The following PROS1 variants were observed in gnomAD, a reference collection of about 807,000 sequenced individuals.
PROS1 encodes the protein protein S.
In PROS1, 29 loss-of-function variants were observed where a neutral mutation model predicts 75.9. That is an observed-to-expected ratio of 0.38 (90% CI 0.28 to 0.52). The LOEUF (loss-of-function observed/expected upper bound fraction) is 0.52. Among genes scored for constraint, PROS1 ranks in the 20% least tolerant of loss-of-function variants. The pLI is 0.83. For synonymous variants in PROS1, 245 were observed against 280.6 expected (o/e 0.87, Z 1.27); for missense variants, 680 against 810.3 (o/e 0.84, Z 1.95).
chr3:93,958,011 C>G (rs959100786), intron 1 of PROS1, among the ~76,000 whole-genome samples: 2 of 151,954 alleles, frequency 1.3e-5, no homozygotes, highest in Admixed American at 1.3e-4. Context: ...TCACTTGAAC[C>G]CAGGAAGCGG....
chr3:93,889,620 G>A (rs1001585762), intron 10 of PROS1, among the ~76,000 whole-genome samples: 92 of 152,298 alleles, frequency 6.0e-4, no homozygotes, highest in Admixed American at 3.5e-3. Context: ...ATTGTTGCGG[G>A]AAGTCAGGGA....
chr3:93,934,706 C>T (rs1036802821), intron 1 of PROS1, among the ~76,000 whole-genome samples: 7 of 151,828 alleles, frequency 4.6e-5, no homozygotes, highest in East Asian at 1.9e-4. Flanking sequence ...CATATAAAGG[C>T]GAGTTCTAAA....
At chr3:93,955,121 G>T (rs184217130) in intron 1 of PROS1, among the ~76,000 whole-genome samples, 11 of 152,340 alleles carry the variant, frequency 7.2e-5, no homozygotes, top group African/African-American at 2.6e-4. Context: ...CTTTTACACC[G>T]TTGGTGGGAC....
intron 1 of PROS1, among the ~76,000 whole-genome samples, chr3:93,965,296 T>A (rs757707529): frequency 6.6e-6 from 1 of 152,328 alleles, no homozygotes; most frequent in East Asian, 1.9e-4. Context: ...TTTGCCGCCG[T>A]CGCAGACCCG....
At chr3:93,895,385 C>A (rs1708489240) in intron 9 of PROS1, among the ~76,000 whole-genome samples, 1 of 152,008 alleles carries the variant, frequency 6.6e-6, no homozygotes, top group Admixed American at 6.6e-5. Flanking sequence ...ATTAGTTGCT[C>A]TGTGATGTTA....
chr3:93,912,003 G>T (rs1474528133), intron 3 of PROS1, among the ~76,000 whole-genome samples: 1 of 152,190 alleles, frequency 6.6e-6, no homozygotes, highest in Non-Finnish European at 1.5e-5. Context: ...TTCATTTGAA[G>T]TCAGTATGTG....
rs187719959 is a variant in PROS1, at chr3:93,890,001, G to A, written c.1155+2932C>T. Among the ~76,000 whole-genome samples, 283 of 152,190 alleles carry A rather than the reference G, an allele frequency of 1.9e-3. 1 individual carries two copies. The highest frequency in any genetic ancestry group is 6.4e-3 in the African/African-American group (265 of 41,508). On this transcript the variant is annotated intron_variant, in intron 10 of 14. Transcript: ENST00000394236. Reference sequence around the variant, plus strand: ...GAGCCTACAAACGGACCTGCAAGTAGGGAAGATATTGCTAAATTCTTTTCC... The same window carrying A: ...GAGCCTACAAACGGACCTGCAAGTAAGGAAGATATTGCTAAATTCTTTTCC...
intron 6 of PROS1, among the ~76,000 whole-genome samples, chr3:93,903,515 C>T (rs1708628881): frequency 6.6e-6 from 1 of 151,962 alleles, no homozygotes; most frequent in African/African-American, 2.4e-5. Flanking sequence ...ACAAAAGCTA[C>T]AAACATTAGC....
intron 1 of PROS1, among the ~76,000 whole-genome samples, chr3:93,937,894 A>T (rs1709211755): frequency 6.6e-6 from 1 of 152,214 alleles, no homozygotes; most frequent in Non-Finnish European, 1.5e-5. Context: ...AAAGACGCCT[A>T]CAATGAAAGG....
chr3:93,965,368 C>T (rs979660805), intron 1 of PROS1, among the ~76,000 whole-genome samples: 3 of 152,180 alleles, frequency 2.0e-5, no homozygotes, highest in East Asian at 1.9e-4. Flanking sequence ...TCCAGCGAGG[C>T]GCCCATTGCC....
At chr3:93,964,445 A>C (rs1709756912) in intron 1 of PROS1, among the ~76,000 whole-genome samples, 1 of 152,186 alleles carries the variant, frequency 6.6e-6, no homozygotes, top group Admixed American at 6.5e-5. Context: ...GGTTGAGATA[A>C]GGACTGAGAT....
intron 8 of PROS1, among the ~76,000 whole-genome samples, chr3:93,897,686 T>C (rs1708524732): frequency 6.6e-6 from 1 of 152,072 alleles, no homozygotes. Flanking sequence ...TATGTATGTA[T>C]ACTTAGTTAA....
intron 13 of PROS1, among the ~76,000 whole-genome samples, chr3:93,878,832 A>C (rs1236020340): frequency 6.6e-6 from 1 of 152,196 alleles, no homozygotes; most frequent in African/African-American, 2.4e-5. Context: ...CAACACATAA[A>C]GTATTCTTAA....
At chr3:93,970,748 C>A (rs1345641947) in intron 1 of PROS1, among the ~76,000 whole-genome samples, 4 of 152,008 alleles carry the variant, frequency 2.6e-5, no homozygotes, top group Non-Finnish European at 5.9e-5. Context: ...TGAACAATTT[C>A]TTTTTTTATT....
chr3:93,891,750 A>G (rs1430900006), intron 10 of PROS1, among the ~76,000 whole-genome samples: 1 of 152,044 alleles, frequency 6.6e-6, no homozygotes, highest in Non-Finnish European at 1.5e-5. Flanking sequence ...CTGCTAATGT[A>G]TATCATTTGC....
At chr3:93,900,985 C>T (rs1356260640) in intron 6 of PROS1, 56 bp from the exon 7 acceptor site, 2 of 1,570,966 alleles carry the variant, frequency 1.3e-6, no homozygotes, top group African/African-American at 2.7e-5. Context: ...CAGACACTAC[C>T]AAAGAACCCT....
chr3:93,949,950 G>T (rs149491026), intron 1 of PROS1, among the ~76,000 whole-genome samples: 52 of 152,318 alleles, frequency 3.4e-4, no homozygotes, highest in African/African-American at 1.0e-3. Flanking sequence ...AGCCATGACA[G>T]ACAGTACCTG....
At chr3:93,963,596 T>A (rs776887420) in intron 1 of PROS1, among the ~76,000 whole-genome samples, 3 of 152,176 alleles carry the variant, frequency 2.0e-5, no homozygotes, top group Non-Finnish European at 4.4e-5. Context: ...ACAAGAAGCA[T>A]GGTGCCAGCA....
intron 1 of PROS1, among the ~76,000 whole-genome samples, chr3:93,929,661 A>C (rs1249508192): frequency 1.3e-5 from 2 of 152,250 alleles, no homozygotes; most frequent in African/African-American, 4.8e-5. Context: ...AAAGTAGTAT[A>C]TATGTAAATA....
Sources: gnomAD v4.1 joint callset for allele counts (sites outside exome capture counted in the v4.1 genomes callset) on GRCh38, gnomAD v4.1.1 for gene constraint, MANE v1.5 for transcripts, NCBI Gene and HGNC (gene_info 2026-07-23, HGNC 2026-07-21) for gene names.